The following TIMP3 variants were observed in gnomAD, a reference collection of about 807,000 sequenced individuals.
TIMP3 encodes the protein metalloproteinase inhibitor 3.
In TIMP3, 11 loss-of-function variants were observed where a neutral mutation model predicts 30.0. The ratio of observed to expected loss-of-function variants is 0.37; its 90% confidence interval spans 0.23 to 0.61. The LOEUF (loss-of-function observed/expected upper bound fraction) is 0.61, where lower values mean the gene tolerates loss of function less well. TIMP3 is among the 20% of genes least tolerant of loss of function. TIMP3 has a pLI of 0.70. For synonymous variants in TIMP3, 112 were observed against 111.3 expected (o/e 1.01, Z -0.04); for missense variants, 181 against 276.8 (o/e 0.65, Z 2.45).
At position 32,858,896 on chromosome 22, in the gene TIMP3, A is replaced by ATTCTG. The variant is rs891358626; in HGVS notation, c.439-283_439-279dup. ...ACGAAAAAGTCCTCTCAGTAGTCTA[A>ATTCTG]TTCTGCTACTTACTGGCTGTGTGAC... On this transcript the variant is annotated intron_variant, in intron 4 of 4. Transcript: ENST00000266085. Among the ~76,000 whole-genome samples, 47 of 152,206 alleles carry ATTCTG rather than the reference A, an allele frequency of 3.1e-4. 1 individual carries two copies. Among genetic ancestry groups the ATTCTG allele is most frequent in the African/African-American group, 1.1e-3 (47 of 41,456 alleles).
In TIMP3 at chr22:32,848,439, A is replaced by G. The variant is rs150006600; in HGVS notation, c.122-1013A>G. Among the ~76,000 whole-genome samples the G allele has an allele frequency of 5.9e-5, 9 of 152,336 alleles. No homozygotes were observed. In the East Asian group the frequency reaches 1.5e-3, roughly 26 times the overall value. On this transcript the variant is annotated intron_variant, in intron 1 of 4. Transcript: ENST00000266085. Reference sequence around the variant, plus strand: ...GTTTCACTTCTTGGTCTGTTACCTTATCTAGATCATGTGGATGCTAATACT... The same window carrying G: ...GTTTCACTTCTTGGTCTGTTACCTTGTCTAGATCATGTGGATGCTAATACT...
At chr22:32,851,365 T>C (rs950630518) in intron 2 of TIMP3, among the ~76,000 whole-genome samples, 92 of 152,206 alleles carry the variant, frequency 6.0e-4, no homozygotes, top group African/African-American at 2.0e-3. Flanking sequence ...GAGACCAGGG[T>C]GACCAGAGGC....
In TIMP3 at chr22:32,802,083, C is replaced by A; in HGVS notation, c.82C>A (p.Pro28Thr). 6.3e-7 allele frequency: 1 copy of A among 1,577,744 alleles called. No individual in the cohort carries two copies. Among genetic ancestry groups the A allele is most frequent in the Non-Finnish European group, 8.6e-7 (1 of 1,166,886 alleles). The change falls in exon 1 of 5, where the codon CCC becomes ACC. Residue 28 changes from proline to threonine, a missense_variant. Coordinates refer to ENST00000266085, the MANE Select transcript of TIMP3 (RefSeq NM_000362.5). ...DWGAEACTCS[P>T]SHPQDAFCNS... is the part of the protein sequence containing the mutation. Reference sequence around the variant, plus strand: ...GGGCGCCGAGGCGTGCACATGCTCGCCCAGCCACCCCCAGGACGCCTTCTG... The same window carrying A: ...GGGCGCCGAGGCGTGCACATGCTCGACCAGCCACCCCCAGGACGCCTTCTG...
chr22:32,841,692 G>A (rs934755112), intron 1 of TIMP3, among the ~76,000 whole-genome samples: 1 of 100 alleles, frequency 0.01, no homozygotes, highest in African/African-American at 0.025. Context: ...TGGTGGGTGG[G>A]GTAGGGGAGG....
At chr22:32,832,993 G>A (rs959750695) in intron 1 of TIMP3, among the ~76,000 whole-genome samples, 11 of 152,036 alleles carry the variant, frequency 7.2e-5, no homozygotes, top group Admixed American at 6.5e-4. Flanking sequence ...TCGACCTCCC[G>A]AAGTCCTGGG....
chr22:32,802,646 C>T (rs890012379), intron 1 of TIMP3, among the ~76,000 whole-genome samples: 1 of 152,168 alleles, frequency 6.6e-6, no homozygotes, highest in African/African-American at 2.4e-5. Context: ...CTGCAGGCTT[C>T]CCAGGCAAGC....
At chr22:32,811,159 G>A (rs534280678) in intron 1 of TIMP3, among the ~76,000 whole-genome samples, 20 of 152,084 alleles carry the variant, frequency 1.3e-4, no homozygotes, top group Admixed American at 5.2e-4. Context: ...CTGACTATAC[G>A]GTAATAAAAT....
chr22:32,813,742 T>G (rs979495764), intron 1 of TIMP3, among the ~76,000 whole-genome samples: 3 of 152,040 alleles, frequency 2.0e-5, no homozygotes, highest in African/African-American at 7.2e-5. Context: ...GTTAGACCAC[T>G]TGGCTCAAAC....
At chr22:32,828,550 T>C (rs1354583916) in intron 1 of TIMP3, among the ~76,000 whole-genome samples, 1 of 152,206 alleles carries the variant, frequency 6.6e-6, no homozygotes, top group East Asian at 1.9e-4. Context: ...AGGCAGGGCA[T>C]ACCCATGCAT....
intron 2 of TIMP3, among the ~76,000 whole-genome samples, chr22:32,852,659 C>T (rs1326642086): frequency 6.6e-6 from 1 of 152,140 alleles, no homozygotes; most frequent in Non-Finnish European, 1.5e-5. Flanking sequence ...GGAAGGCAGG[C>T]AGACCTTCTC....
chr22:32,811,429 G>GGT (rs2046911859), intron 1 of TIMP3, among the ~76,000 whole-genome samples: 1 of 152,126 alleles, frequency 6.6e-6, no homozygotes, highest in Admixed American at 6.5e-5. Flanking sequence ...CTTCACTTTC[G>GGT]GTGAGGAAAA....
intron 1 of TIMP3, among the ~76,000 whole-genome samples, chr22:32,838,911 T>G (rs1171315360): frequency 6.6e-6 from 1 of 151,622 alleles, no homozygotes; most frequent in Non-Finnish European, 1.5e-5. Context: ...GCGATGCTAG[T>G]GAGTGTCCAA....
intron 1 of TIMP3, among the ~76,000 whole-genome samples, chr22:32,804,664 C>T (rs1383338356): frequency 1.3e-5 from 2 of 152,148 alleles, no homozygotes; most frequent in African/African-American, 4.8e-5. Context: ...TCTTTTTTCC[C>T]CAAAGTCCTA....
intron 2 of TIMP3, among the ~76,000 whole-genome samples, chr22:32,851,820 G>A (rs925473089): frequency 6.6e-6 from 1 of 152,082 alleles, no homozygotes; most frequent in Non-Finnish European, 1.5e-5. Flanking sequence ...AGGGTATCAT[G>A]ATCCATAGAA....
At chr22:32,809,701 CTAAT>C (rs1267757300) in intron 1 of TIMP3, among the ~76,000 whole-genome samples, 1 of 152,172 alleles carries the variant, frequency 6.6e-6, no homozygotes, top group African/African-American at 2.4e-5. Context: ...AGCTAATATA[CTAAT>C]TAATTATAGC....
intron 1 of TIMP3, among the ~76,000 whole-genome samples, chr22:32,820,291 G>A (rs981398271): frequency 4.0e-5 from 6 of 150,958 alleles, no homozygotes; most frequent in African/African-American, 1.5e-4. Flanking sequence ...TGTGTGTGGT[G>A]TGTGTGGTGT....
chr22:32,837,884 C>G lies in TIMP3; in HGVS notation c.122-11568C>G, dbSNP rs2047779694. Among the ~76,000 whole-genome samples, 2 of 152,188 alleles carry G rather than the reference C, an allele frequency of 1.3e-5. No individual in the cohort carries two copies. Among genetic ancestry groups the G allele is most frequent in the African/African-American group, 4.8e-5 (2 of 41,444 alleles). On this transcript the variant is annotated intron_variant, in intron 1 of 4. Coordinates refer to ENST00000266085, the MANE Select transcript of TIMP3 (RefSeq NM_000362.5). The surrounding 1 kb of genome is among the most constrained non-coding windows in gnomAD (Gnocchi z 4.1). ...CTTTGTTGGACTCTCTGTTTTCTGT[C>G]TCTCCAATGGGCTGGACTCTCCAGC...
In TIMP3 at chr22:32,859,419, G is replaced by C. The variant is rs763318366; in HGVS notation, c.*42G>C. ...CACCTCACTTCCCTCCCTTCCCGCT[G>C]AGCTTCCCTTGGACACTAACTCTTC... On this transcript the variant is annotated 3_prime_UTR_variant, in exon 5 of 5. Transcript: ENST00000266085. The C allele has an allele frequency of 6.3e-7, 1 of 1,585,232 alleles. No individual in the cohort carries two copies. Among genetic ancestry groups the C allele is most frequent in the East Asian group, 2.3e-5 (1 of 43,906 alleles).
At chr22:32,814,622 T>A (rs2047039484) in intron 1 of TIMP3, among the ~76,000 whole-genome samples, 1 of 152,208 alleles carries the variant, frequency 6.6e-6, no homozygotes, top group Non-Finnish European at 1.5e-5. Flanking sequence ...CAGGGCTCCT[T>A]TAAGCCAGAG....
Sources: gnomAD v4.1 joint callset for allele counts (sites outside exome capture counted in the v4.1 genomes callset) on GRCh38, gnomAD v4.1.1 for gene constraint, Gnocchi (gnomAD v3.1) non-coding constraint, MANE v1.5 for transcripts, NCBI Gene and HGNC (gene_info 2026-07-23, HGNC 2026-07-21) for gene names.